The following MBP variants were observed in gnomAD, a reference collection of about 807,000 sequenced individuals.
MBP encodes the protein Golli-MBP.
Under a neutral mutation model 35.8 loss-of-function variants are expected in MBP, and 16 were observed. The observed-to-expected ratio is 0.45, with a 90% confidence interval of 0.30 to 0.68. The LOEUF (loss-of-function observed/expected upper bound fraction) is 0.68, where lower values mean the gene tolerates loss of function less well. MBP is among the 30% of genes least tolerant of loss of function. MBP has a pLI of 0.08. For synonymous variants in MBP, 143 were observed against 159.6 expected (o/e 0.90, Z 0.78); for missense variants, 380 against 404.7 (o/e 0.94, Z 0.52).
chr18:76,986,911 A>G, intron 7 of MBP: 1 of 985,484 alleles, frequency 1.0e-6, no homozygotes, highest in Non-Finnish European at 1.2e-6. Flanking sequence ...TGTACCAGGA[A>G]ACACACAACA....
intron 3 of MBP, among the ~76,000 whole-genome samples, chr18:77,059,733 AT>A (rs112057042): frequency 0.014 from 2,057 of 152,334 alleles, 39 homozygotes; most frequent in African/African-American, 0.047. Flanking sequence ...CTGGTGGCCA[AT>A]TCAAATAAAA....
chr18:77,126,564 A>G (rs1021175140), intron 1 of MBP, among the ~76,000 whole-genome samples: 1 of 152,218 alleles, frequency 6.6e-6, no homozygotes, highest in African/African-American at 2.4e-5. Context: ...AGAAATAAAA[A>G]GTATATAAAT....
chr18:77,084,026 AC>A (rs1475284985), intron 2 of MBP, among the ~76,000 whole-genome samples: 2 of 150,542 alleles, frequency 1.3e-5, no homozygotes, highest in African/African-American at 4.9e-5. Flanking sequence ...TTTTTAAAAA[AC>A]CCATAAACGC....
chr18:77,016,184 C>T (rs1230442214), intron 4 of MBP: 4 of 983,380 alleles, frequency 4.1e-6, no homozygotes, highest in South Asian at 4.7e-5. Flanking sequence ...TTTTTATCCA[C>T]ATTTGCTTTT....
intron 2 of MBP, among the ~76,000 whole-genome samples, chr18:77,075,728 T>C (rs1457781208): frequency 6.6e-6 from 1 of 152,180 alleles, no homozygotes; most frequent in African/African-American, 2.4e-5. Context: ...CAGGTGCTTT[T>C]CAATGCACAG....
chr18:77,111,778 G>A (rs1280275930), intron 1 of MBP, among the ~76,000 whole-genome samples: 4 of 152,200 alleles, frequency 2.6e-5, no homozygotes, highest in Non-Finnish European at 5.9e-5. Context: ...CTCACCCCTA[G>A]AACACGGACA....
intron 3 of MBP, among the ~76,000 whole-genome samples, chr18:77,043,019 G>A (rs1420382043): frequency 2.0e-5 from 3 of 152,202 alleles, no homozygotes; most frequent in Non-Finnish European, 4.4e-5. Context: ...CTTTGGTGCT[G>A]AGCTACTTCT....
chr18:77,031,189 C>A (rs1029567155), intron 3 of MBP, among the ~76,000 whole-genome samples: 2 of 152,242 alleles, frequency 1.3e-5, no homozygotes, highest in African/African-American at 4.8e-5. Flanking sequence ...ATACAACTTT[C>A]CTCAAGTGGC....
At chr18:77,067,500 A>G (rs1238375063) in intron 2 of MBP, among the ~76,000 whole-genome samples, 2 of 152,116 alleles carry the variant, frequency 1.3e-5, no homozygotes, top group Non-Finnish European at 1.5e-5. Context: ...GCTTGTTCAC[A>G]TTTGTGTTTT....
At position 77,029,147 on chromosome 18, in the gene MBP, G is replaced by A. The variant is rs375642030; in HGVS notation, c.140-11879C>T. Among the ~76,000 whole-genome samples, 27 of 117,264 alleles carry A rather than the reference G, an allele frequency of 2.3e-4. 1 individual carries two copies. The highest frequency in any genetic ancestry group is 2.0e-3 in the East Asian group (8 of 3,982). 76.9% of individuals were successfully genotyped at this position (117,264 alleles called of 152,430 possible). On this transcript the variant is annotated intron_variant, in intron 3 of 8. Coordinates refer to ENST00000355994, the MANE Select transcript of MBP (RefSeq NM_001025101.2). Reference sequence around the variant, plus strand: ...TTGAGCACTGAGTGAACGAGACTCCGTCTGCAATCCCGGCACCTCGGGAGG... The same window carrying A: ...TTGAGCACTGAGTGAACGAGACTCCATCTGCAATCCCGGCACCTCGGGAGG...
At chr18:77,098,291 T>C (rs553887244) in intron 2 of MBP, among the ~76,000 whole-genome samples, 64 of 150,492 alleles carry the variant, frequency 4.3e-4, no homozygotes, top group Non-Finnish European at 8.6e-4. Flanking sequence ...TCACTTTACA[T>C]AATGTTATCA....
At chr18:77,038,842 A>G (rs1972875202) in intron 3 of MBP, among the ~76,000 whole-genome samples, 1 of 152,214 alleles carries the variant, frequency 6.6e-6, no homozygotes, top group Non-Finnish European at 1.5e-5. Flanking sequence ...ATATTTTAAG[A>G]GTGGCCAGAG....
chr18:77,006,822 A>G (rs144781084), intron 4 of MBP: 174 of 152,218 alleles, frequency 1.1e-3, no homozygotes, highest in Non-Finnish European at 2.2e-3. Flanking sequence ...CTTGTTGCCT[A>G]TTTCATAGCT....
chr18:77,091,094 C>T (rs1380504768), intron 2 of MBP, among the ~76,000 whole-genome samples: 1 of 152,206 alleles, frequency 6.6e-6, no homozygotes, highest in Non-Finnish European at 1.5e-5. Context: ...AACATACAAG[C>T]TAGCCCTTTA....
At position 76,988,707 on chromosome 18, in the gene MBP, AG is replaced by A. The variant is rs1000531289; in HGVS notation, c.717+169del. Reference sequence around the variant, plus strand: ...GCGGCTGTGCAGGTGCGGGAGGGACAGGAGGGGTGCATGGATCTGCCGACCT... The same window carrying A: ...GCGGCTGTGCAGGTGCGGGAGGGACAGAGGGGTGCATGGATCTGCCGACCT... On this transcript the variant is annotated intron_variant, in intron 6 of 8. Transcript: ENST00000355994. The surrounding 1 kb of genome is among the most constrained non-coding windows in gnomAD (Gnocchi z 5.2). 2.0e-5 allele frequency: 27 copies of A among 1,352,724 alleles called. No homozygotes were observed. In the African/African-American group the frequency reaches 3.9e-4, roughly 20 times the overall value. The allele number at this position is 1,352,724 out of a possible 1,614,324, so 83.8% of individuals were successfully genotyped here. A position where few individuals can be genotyped will look rare whatever the true frequency, so the allele number is the denominator to read the frequency against.
At chr18:76,992,570 G>A (rs1345844777) in intron 4 of MBP, among the ~76,000 whole-genome samples, 1 of 152,126 alleles carries the variant, frequency 6.6e-6, no homozygotes, top group African/African-American at 2.4e-5. Context: ...ACCCTTCAGG[G>A]TGAAGCCAAA....
At chr18:77,081,500 G>A (rs1599204790) in intron 2 of MBP, among the ~76,000 whole-genome samples, 1 of 152,124 alleles carries the variant, frequency 6.6e-6, no homozygotes, top group Non-Finnish European at 1.5e-5. Flanking sequence ...AAACCACCAT[G>A]AGATACCACC....
chr18:77,108,353 G>C (rs994993146), intron 1 of MBP: 2 of 152,218 alleles, frequency 1.3e-5, no homozygotes, highest in African/African-American at 4.8e-5. Context: ...CATGTGAAAT[G>C]CTGCAAGGAA....
chr18:77,076,312 C>T (rs1568326978), intron 2 of MBP, among the ~76,000 whole-genome samples: 1 of 152,240 alleles, frequency 6.6e-6, no homozygotes. Flanking sequence ...CCACCGTGGC[C>T]TCTTGAGTCA....
Sources: allele counts gnomAD v4.1 joint callset (sites outside exome capture counted in the v4.1 genomes callset), GRCh38; gene constraint gnomAD v4.1.1; non-coding constraint Gnocchi (gnomAD v3.1); transcripts MANE v1.5; gene names NCBI Gene and HGNC (gene_info 2026-07-23, HGNC 2026-07-21).